The following SCML2 variants were observed in gnomAD, a reference collection of about 807,000 sequenced individuals.
SCML2 encodes Scm polycomb group protein like 2.
Under a neutral mutation model 48.4 loss-of-function variants are expected in SCML2, and 6 were observed. The ratio of observed to expected loss-of-function variants is 0.12; its 90% CI spans 0.07 to 0.24. The LOEUF is 0.24. SCML2 is among the 10% of genes least tolerant of loss of function. The probability of loss-of-function intolerance (pLI) is 1.00; values close to 1 mark genes in which losing one functional copy is unlikely to be tolerated. For synonymous variants in SCML2, 181 were observed against 189.5 expected, an observed-to-expected ratio of 0.95 and a Z score of 0.37; for missense variants, 377 against 528.2, an observed-to-expected ratio of 0.71 and a Z score of 2.81.
At chrX:18,266,472 C>CA (rs1399460640) in intron 7 of SCML2, among the ~76,000 whole-genome samples, 1 of 111,187 alleles carries the variant, frequency 9.0e-6, no homozygotes, top group Non-Finnish European at 1.9e-5. Flanking sequence ...TTTCAATATT[C>CA]AAATAAAGGT....
chrX:18,266,008 G>GA (rs1171103752), intron 7 of SCML2, among the ~76,000 whole-genome samples: 1 of 111,444 alleles, frequency 9.0e-6, no homozygotes, highest in Non-Finnish European at 1.9e-5. Context: ...TAATTCTCCA[G>GA]AAAAAATAAA....
Position 18,246,581 on chromosome X carries a change from A to C in SCML2, c.1818T>G (p.Ser606Arg), listed in dbSNP as rs1926454269. 11 of 1,193,542 alleles carry C rather than the reference A, an allele frequency of 9.2e-6. No individual in the cohort carries two copies. In the East Asian group the frequency reaches 3.3e-4, roughly 36 times the overall value. ...AGTCACTATTTTTGAACATACCTTC[A>C]CTTTTCCTCTGCATTTGGAATTTAA... is the stretch of plus-strand genomic sequence containing the variant. ...HEVKFQMQRK[S>R]EAPSYIAVPD... The change falls in exon 13 of 15, where the codon AGT (serine) becomes AGG (arginine). Residue 606 changes from serine to arginine, a missense_variant. This residue lies in a region of SCML2 where 299 missense variants were observed against 425.5 expected (regional missense o/e 0.70). Coordinates refer to ENST00000251900, the MANE Select transcript of SCML2 (RefSeq NM_006089.3).
chrX:18,269,203 C>A (rs1342178830), intron 7 of SCML2, among the ~76,000 whole-genome samples: 1 of 111,715 alleles, frequency 9.0e-6, no homozygotes, highest in Non-Finnish European at 1.9e-5. Flanking sequence ...TTTGTGTCCC[C>A]ACCCAAATCT....
In SCML2 at chrX:18,260,241, C is replaced by A. The variant is rs777538127; in HGVS notation, c.999G>T (p.Ser333=). Residue 333 remains serine, a synonymous_variant, in exon 9 of 15, where the codon TCG becomes TCT. Coordinates refer to ENST00000251900, the MANE Select transcript of SCML2 (RefSeq NM_006089.3). ...ICSTSAASLK[S]LTRDRGMLYK... The stretch of plus-strand genomic sequence containing the variant: ...ATAACATGCCACGGTCTCTGGTCAG[C>A]GATTTTAGAGAAGCTGCAGATGTAG... 1 of 1,204,110 alleles carries A rather than the reference C, an allele frequency of 8.3e-7. No homozygotes were observed. The highest frequency in any genetic ancestry group is 1.1e-6 in the Non-Finnish European group (1 of 890,741).
chrX:18,344,040 A>C (rs1033613824), intron 1 of SCML2, among the ~76,000 whole-genome samples: 1 of 109,861 alleles, frequency 9.1e-6, no homozygotes, highest in Non-Finnish European at 1.9e-5. Flanking sequence ...AAAAATAAAA[A>C]TTTTTTTAAA....
Position 18,283,619 on chromosome X carries a change from T to A in SCML2, c.731-17817A>T, listed in dbSNP as rs918432794. 1.4e-4 allele frequency among the ~76,000 whole-genome samples: 16 copies of A among 112,145 alleles called. No homozygotes were observed. The East Asian group carries it at 3.9e-3, about 28-fold the overall frequency. ...GGATATAAAAATCCATGCGGAAAAA[T>A]GAGTAACATTTCTACATACCAATAA... On this transcript the variant is annotated intron_variant, in intron 7 of 14. Transcript: ENST00000251900.
At chrX:18,295,728 G>A (rs1012954216) in intron 7 of SCML2, among the ~76,000 whole-genome samples, 4 of 107,832 alleles carry the variant, frequency 3.7e-5, no homozygotes, top group Non-Finnish European at 5.8e-5. Flanking sequence ...AGGCACGCTC[G>A]GCCCTCTACT....
At chrX:18,286,507 A>T (rs1241490195) in intron 7 of SCML2, among the ~76,000 whole-genome samples, 1 of 111,707 alleles carries the variant, frequency 9.0e-6, no homozygotes, top group Non-Finnish European at 1.9e-5. Flanking sequence ...TACAGGCAGT[A>T]ATCATTCAAA....
At chrX:18,315,101 CAAAAAA>C (rs761378739) in intron 6 of SCML2, among the ~76,000 whole-genome samples, 2 of 23,441 alleles carry the variant, frequency 8.5e-5, no homozygotes, top group South Asian at 3.1e-3. Flanking sequence ...TCTGTCTCAC[CAAAAAA>C]AAAAAAAAAA....
intron 9 of SCML2, 146 bp from the exon 10 acceptor site, chrX:18,258,393 C>A: frequency 2.4e-6 from 1 of 412,723 alleles, no homozygotes; most frequent in Non-Finnish European, 4.1e-6. Flanking sequence ...ATCATTTCTG[C>A]TACCTAAAAA....
At chrX:18,241,406 TTAA>T in intron 14 of SCML2, 27 bp from the exon 15 acceptor site, 1 of 1,073,946 alleles carries the variant, frequency 9.3e-7, no homozygotes, top group Non-Finnish European at 1.2e-6. Flanking sequence ...ATCATAATCA[TTAA>T]TAATGCTTTC....
At chrX:18,344,629 A>G (rs774039010) in intron 1 of SCML2, among the ~76,000 whole-genome samples, 3 of 111,442 alleles carry the variant, frequency 2.7e-5, no homozygotes, top group South Asian at 7.6e-4. Context: ...TGGTTTTATA[A>G]AGAGAAACGC....
At chrX:18,265,495 CAT>C (rs1927225585) in intron 8 of SCML2, 88 bp downstream of exon 8, 2 of 693,818 alleles carry the variant, frequency 2.9e-6, no homozygotes, top group Non-Finnish European at 4.4e-6. Flanking sequence ...AGACCCTCAT[CAT>C]ACTCTTAGTA....
chrX:18,275,012 C>T (rs533749016), intron 7 of SCML2, among the ~76,000 whole-genome samples: 4 of 112,089 alleles, frequency 3.6e-5, no homozygotes, highest in East Asian at 5.6e-4. Flanking sequence ...AACCAATTGC[C>T]AATTCGAAAA....
intron 11 of SCML2, among the ~76,000 whole-genome samples, chrX:18,249,477 C>CT (rs1222646991): frequency 3.6e-5 from 4 of 111,074 alleles, no homozygotes; most frequent in Non-Finnish European, 7.5e-5. Flanking sequence ...CAGGGTTTGT[C>CT]TTTTTTTGAC....
chrX:18,256,824 G>C (rs751769690), intron 11 of SCML2, 24 bp downstream of exon 11: 2 of 1,105,275 alleles, frequency 1.8e-6, no homozygotes, highest in Non-Finnish European at 1.2e-6. Context: ...AAACAGAAGT[G>C]TAAGAGTTTA....
intron 7 of SCML2, among the ~76,000 whole-genome samples, chrX:18,281,303 T>TA (rs1927836241): frequency 8.9e-6 from 1 of 112,899 alleles, no homozygotes; most frequent in Non-Finnish European, 1.9e-5. Flanking sequence ...TTGAAATTAA[T>TA]AAAAATAAGG....
At chrX:18,289,323 T>C (rs1341685595) in intron 7 of SCML2, among the ~76,000 whole-genome samples, 1 of 112,408 alleles carries the variant, frequency 8.9e-6, no homozygotes. Context: ...TGCATCATAA[T>C]AGCCATCTCA....
At chrX:18,354,817 A>G (rs1229355302), upstream of SCML2, 1 of 136,884 alleles carries the variant, frequency 7.3e-6, no homozygotes, top group East Asian at 2.3e-4. Flanking sequence ...AGCCGGGGTC[A>G]AGCCGAGCGC....
Sources: gnomAD v4.1 joint callset for allele counts (sites outside exome capture counted in the v4.1 genomes callset) on GRCh38, gnomAD v4.1.1 for gene constraint, gnomAD v4.1.1 regional missense constraint, MANE v1.5 for transcripts, NCBI Gene and HGNC (gene_info 2026-07-23, HGNC 2026-07-21) for gene names.